The following LRP1B variants were observed in gnomAD, a reference collection of about 807,000 sequenced individuals.
The protein encoded by LRP1B is low-density lipoprotein receptor-related protein 1B.
Under a neutral mutation model 556.6 loss-of-function variants are expected in LRP1B, and 217 were observed. The ratio of observed to expected loss-of-function variants is 0.39; its 90% confidence interval spans 0.35 to 0.44. LRP1B has a LOEUF of 0.44. LRP1B is among the 20% of genes least tolerant of loss of function. The pLI, the probability that LRP1B is intolerant of heterozygous loss-of-function variation, is 1.00. For synonymous variants in LRP1B, 2,047 were observed against 1,865.8 expected (o/e 1.10, Z -2.50); for missense variants, 5,053 against 5,620.8 (o/e 0.90, Z 3.23).
At chr2:140,449,558 C>T (rs191031550) in intron 63 of LRP1B, among the ~76,000 whole-genome samples, 14 of 152,180 alleles carry the variant, frequency 9.2e-5, no homozygotes, top group Admixed American at 9.2e-4. Flanking sequence ...ACTTTTATAA[C>T]ATTTTTCCTT....
intron 3 of LRP1B, among the ~76,000 whole-genome samples, chr2:141,282,157 G>A (rs1045460160): frequency 6.6e-6 from 1 of 152,044 alleles, no homozygotes; most frequent in African/African-American, 2.4e-5. Context: ...AGAGTTACCA[G>A]CTGTGCCTGC....
chr2:140,515,971 G>A (rs1033088831), intron 50 of LRP1B, among the ~76,000 whole-genome samples: 3 of 151,766 alleles, frequency 2.0e-5, no homozygotes, highest in Non-Finnish European at 4.4e-5. Flanking sequence ...TTTTCCTATT[G>A]GAAATTTCTT....
At chr2:141,824,668 C>T (rs1293418314) in intron 1 of LRP1B, among the ~76,000 whole-genome samples, 1 of 152,210 alleles carries the variant, frequency 6.6e-6, no homozygotes, top group African/African-American at 2.4e-5. Flanking sequence ...ATTGTTAATA[C>T]TTACCTTGCA....
rs566514833 is a variant in LRP1B at position 141,253,386 on chromosome 2, G to A, written c.463+1136C>T. ...TGTGGTCAGATTATGCAGTCTCTGGGTCTGATAAACACTTGATAATAAATG... is the reference window on the plus strand; with the variant it reads ...TGTGGTCAGATTATGCAGTCTCTGGATCTGATAAACACTTGATAATAAATG... On this transcript the variant is annotated intron_variant, in intron 4 of 90. Transcript: ENST00000389484. Among the ~76,000 whole-genome samples, 7 of 152,258 alleles carry A rather than the reference G, an allele frequency of 4.6e-5. 1 individual carries two copies. Among genetic ancestry groups the A allele is most frequent in the Middle Eastern group, 6.8e-3 (2 of 294 alleles).
At chr2:141,095,609 T>C (rs1476752574) in intron 7 of LRP1B, among the ~76,000 whole-genome samples, 2 of 152,010 alleles carry the variant, frequency 1.3e-5, no homozygotes, top group Admixed American at 6.6e-5. Context: ...TCAATTTCAA[T>C]TCTTAACCTA....
intron 84 of LRP1B, among the ~76,000 whole-genome samples, chr2:140,277,117 C>T (rs931406470): frequency 2.0e-5 from 3 of 150,816 alleles, no homozygotes; most frequent in African/African-American, 7.3e-5. Context: ...CTGAAAAGAC[C>T]CAAATAACTA....
intron 3 of LRP1B, among the ~76,000 whole-genome samples, chr2:141,288,719 A>ATAT (rs1268993273): frequency 6.6e-6 from 1 of 152,194 alleles, no homozygotes; most frequent in African/African-American, 2.4e-5. Context: ...TATAATTATC[A>ATAT]TATTTTTACA....
chr2:140,552,085 T>A (rs1680566151), intron 43 of LRP1B, among the ~76,000 whole-genome samples: 1 of 152,144 alleles, frequency 6.6e-6, no homozygotes, highest in Middle Eastern at 3.2e-3. Flanking sequence ...TTTGACTTGG[T>A]GACAGGGACT....
At chr2:141,395,718 G>A (rs1404078536) in intron 3 of LRP1B, among the ~76,000 whole-genome samples, 1 of 151,968 alleles carries the variant, frequency 6.6e-6, no homozygotes, top group African/African-American at 2.4e-5. Context: ...AGAAAACTCT[G>A]GAGTATTAAG....
At chr2:141,391,453 A>T (rs577421165) in intron 3 of LRP1B, among the ~76,000 whole-genome samples, 1 of 152,214 alleles carries the variant, frequency 6.6e-6, no homozygotes, top group African/African-American at 2.4e-5. Context: ...GCAGGCTTAC[A>T]GGCAACAGAG....
At chr2:141,337,486 TG>T (rs1687888979) in intron 3 of LRP1B, among the ~76,000 whole-genome samples, 1 of 95,916 alleles carries the variant, frequency 1.0e-5, no homozygotes, top group African/African-American at 4.6e-5. Context: ...TGCAATATTT[TG>T]TCTCAGTCTG....
At chr2:142,001,534 C>T (rs186839559) in intron 1 of LRP1B, among the ~76,000 whole-genome samples, 16 of 152,130 alleles carry the variant, frequency 1.1e-4, no homozygotes, top group African/African-American at 2.2e-4. Context: ...CACTTGAAAA[C>T]GCAAAGAAAG....
At chr2:140,918,181 C>G (rs1011346618) in intron 21 of LRP1B, among the ~76,000 whole-genome samples, 3 of 114,302 alleles carry the variant, frequency 2.6e-5, no homozygotes, top group Non-Finnish European at 5.5e-5. Flanking sequence ...CTGTAGATTT[C>G]TATTTTGTGT....
At chr2:141,329,595 G>A (rs1169780307) in intron 3 of LRP1B, among the ~76,000 whole-genome samples, 2 of 144,738 alleles carry the variant, frequency 1.4e-5, no homozygotes, top group Middle Eastern at 3.5e-3. Context: ...AGTGAGCCAA[G>A]ATTGCGCCAC....
chr2:141,189,957 GA>G (rs5834816), intron 6 of LRP1B, among the ~76,000 whole-genome samples: 2 of 5,670 alleles, frequency 3.5e-4, no homozygotes, highest in African/African-American at 5.2e-4. Flanking sequence ...AGAAAAGGAA[GA>G]AAAGAAAGAA....
chr2:142,086,474 G>A (rs1274673827), intron 1 of LRP1B, among the ~76,000 whole-genome samples: 3 of 151,960 alleles, frequency 2.0e-5, no homozygotes, highest in African/African-American at 4.8e-5. Context: ...GCGTGGTGGC[G>A]GGCGCCTGTA....
At chr2:141,314,823 T>TACAC (rs1686943491) in intron 3 of LRP1B, among the ~76,000 whole-genome samples, 1 of 132,992 alleles carries the variant, frequency 7.5e-6, no homozygotes, top group Admixed American at 7.8e-5. Flanking sequence ...TATATATATA[T>TACAC]ATATGTGTAT....
At chr2:141,406,988 G>T (rs1690668181) in intron 3 of LRP1B, among the ~76,000 whole-genome samples, 1 of 152,054 alleles carries the variant, frequency 6.6e-6, no homozygotes, top group Non-Finnish European at 1.5e-5. Flanking sequence ...GCATTTTAGA[G>T]AAATCTTTTT....
chr2:140,908,129 G>C, intron 21 of LRP1B, 52 bp from the exon 22 acceptor site: 1 of 1,389,658 alleles, frequency 7.2e-7, no homozygotes, highest in Non-Finnish European at 1.0e-6. Flanking sequence ...AGGTCATTAT[G>C]ATAATGAGTG....
Sources: allele counts gnomAD v4.1 joint callset (sites outside exome capture counted in the v4.1 genomes callset), GRCh38; gene constraint gnomAD v4.1.1; transcripts MANE v1.5; gene names NCBI Gene and HGNC (gene_info 2026-07-23, HGNC 2026-07-21).